GSE1: variants seen among roughly 807,000 people sequenced by gnomAD.
GSE1 encodes Gse1 coiled-coil protein, also known as genetic suppressor element 1.
A neutral mutation model predicts 112.6 loss-of-function variants in GSE1; 32 were observed. The ratio of observed to expected loss-of-function variants is 0.28; its 90% CI spans 0.21 to 0.38. GSE1 has a LOEUF of 0.38. GSE1 is among the 10% of genes least tolerant of loss of function. The probability of loss-of-function intolerance (pLI) is 1.00; values close to 1 mark genes in which losing one functional copy is unlikely to be tolerated. For missense variants in GSE1, 2,348 were observed against 1,699.2 expected (o/e 1.38, Z -6.71); for synonymous variants, 1,115 against 735.6 (o/e 1.52, Z -8.35).
At chr16:85,345,646 C>G (rs1422993502) in intron 1 of GSE1, among the ~76,000 whole-genome samples, 3 of 152,228 alleles carry the variant, frequency 2.0e-5, no homozygotes, top group South Asian at 4.1e-4. Context: ...TCTCTCCATC[C>G]TGTTCTTGTG....
chr16:85,491,188 G>A (rs1246387857), intron 2 of GSE1, among the ~76,000 whole-genome samples: 1 of 152,194 alleles, frequency 6.6e-6, no homozygotes, highest in Admixed American at 6.5e-5. Context: ...GCCGCTAGTA[G>A]GCACTGTTGT....
intron 1 of GSE1, among the ~76,000 whole-genome samples, chr16:85,259,493 C>G (rs758696647): frequency 7.2e-5 from 11 of 152,250 alleles, no homozygotes; most frequent in Non-Finnish European, 1.6e-4. Context: ...GGGGTGTGGG[C>G]TGGAGGCCCT....
chr16:85,486,506 G>C (rs553597804), intron 2 of GSE1, among the ~76,000 whole-genome samples: 1 of 152,226 alleles, frequency 6.6e-6, no homozygotes, highest in Non-Finnish European at 1.5e-5. Flanking sequence ...GGCTCCGTTC[G>C]GGGGTGGCAT....
chr16:85,572,069 CA>C (rs2046006683), intron 1 of GSE1, among the ~76,000 whole-genome samples: 2 of 150,992 alleles, frequency 1.3e-5, no homozygotes, highest in Admixed American at 1.3e-4. Flanking sequence ...ACCATACACA[CA>C]ACCACACCCC....
At chr16:85,537,756 G>A (rs1364594367) in intron 2 of GSE1, among the ~76,000 whole-genome samples, 1 of 151,992 alleles carries the variant, frequency 6.6e-6, no homozygotes, top group Non-Finnish European at 1.5e-5. Flanking sequence ...GATGAATGAA[G>A]GACAGAAAAG....
intron 3 of GSE1, among the ~76,000 whole-genome samples, chr16:85,649,342 G>C (rs1019313580): frequency 6.6e-5 from 10 of 152,194 alleles, no homozygotes; most frequent in African/African-American, 2.4e-4. Context: ...TGAGCACCCG[G>C]CACACTAGCT....
intron 1 of GSE1, among the ~76,000 whole-genome samples, chr16:85,590,847 G>A (rs900001299): frequency 6.6e-6 from 1 of 152,152 alleles, no homozygotes; most frequent in African/African-American, 2.4e-5. Flanking sequence ...CCTCTTTTCC[G>A]TCCTGTAAAA....
At chr16:85,591,498 C>T (rs1045500441) in intron 1 of GSE1, among the ~76,000 whole-genome samples, 6 of 152,366 alleles carry the variant, frequency 3.9e-5, no homozygotes, top group African/African-American at 1.2e-4. Context: ...AAACAGCCAA[C>T]CTTTTGCTCC....
At position 85,419,568 on chromosome 16, in the gene GSE1, T is replaced by C. The variant is rs2048780472; in HGVS notation, c.2464+61925T>C. On this transcript the variant is annotated intron_variant, in intron 2 of 2. Coordinates refer to the GSE1 transcript ENST00000637419. The surrounding 1 kb of genome is among the most constrained non-coding windows in gnomAD (Gnocchi z 6.5). Reference sequence around the variant, plus strand: ...CTGCAGTGAGCCATGACTGCATCACTGTACTCCAGCCTGGGCAATAGAGCA... The same window carrying C: ...CTGCAGTGAGCCATGACTGCATCACCGTACTCCAGCCTGGGCAATAGAGCA... Among the ~76,000 whole-genome samples, 1 of 150,914 alleles carries C rather than the reference T, an allele frequency of 6.6e-6. No homozygotes were observed. The highest frequency in any genetic ancestry group is 1.5e-5 in the Non-Finnish European group (1 of 67,878).
chr16:85,270,586 C>T (rs1295776406), intron 1 of GSE1, among the ~76,000 whole-genome samples: 3 of 148,954 alleles, frequency 2.0e-5, no homozygotes, highest in East Asian at 3.9e-4. Context: ...TAAATCAAAG[C>T]TCTCGGGCTG....
chr16:85,645,128 G>GT (rs1360211229), intron 2 of GSE1, among the ~76,000 whole-genome samples: 1 of 151,320 alleles, frequency 6.6e-6, no homozygotes, highest in African/African-American at 2.4e-5. Flanking sequence ...CCAGTCCCAG[G>GT]TGTTGGCCCG....
intron 1 of GSE1, among the ~76,000 whole-genome samples, chr16:85,597,326 A>C (rs1219236647): frequency 7.0e-6 from 1 of 142,458 alleles, no homozygotes; most frequent in Non-Finnish European, 1.5e-5. Context: ...GTGAGCTGAG[A>C]TCGTCCCACT....
rs140737247 is a variant in GSE1 at position 85,268,383 on chromosome 16, C to A, written c.2284-89080C>A. 2.8e-3 allele frequency among the ~76,000 whole-genome samples: 425 copies of A among 152,308 alleles called. 6 individuals carry two copies. The highest frequency in any genetic ancestry group is 9.3e-3 in the African/African-American group (387 of 41,564). ...TCCCCACTGAGTGACCGCGCCGAGC[C>A]CCCCAGTGATCCCCTCTGCATCGTG... On this transcript the variant is annotated intron_variant, in intron 1 of 2. Transcript: ENST00000637419.
intron 1 of GSE1, among the ~76,000 whole-genome samples, chr16:85,287,459 T>A (rs896497079): frequency 6.6e-6 from 1 of 152,280 alleles, no homozygotes; most frequent in Non-Finnish European, 1.5e-5. Context: ...CGCCTCTGGC[T>A]TCATCTCCTC....
Position 85,331,357 on chromosome 16 carries a change from GTGTGTGTGTATATATGTA to G in GSE1, c.2284-26104_2284-26087del, listed in dbSNP as rs1173558754. 3.3e-3 allele frequency among the ~76,000 whole-genome samples: 186 copies of G among 57,132 alleles called. 5 individuals carry two copies. Among genetic ancestry groups the G allele is most frequent in the African/African-American group, 9.0e-3 (171 of 19,020 alleles). The allele number at this position is 57,132 out of a possible 152,430, so 37.5% of individuals were successfully genotyped here. A position where few individuals can be genotyped will look rare whatever the true frequency, so the allele number is the denominator to read the frequency against. The stretch of plus-strand genomic sequence containing the variant: ...TGTGTGTGTGTGTGTGTGTGTGTGT[GTGTGTGTGTATATATGTA>G]TATATATGTATATATATGTGTATAT... On this transcript the variant is annotated intron_variant, in intron 1 of 2. Transcript: ENST00000637419.
chr16:85,216,734 A>G (rs888035177), intron 1 of GSE1, among the ~76,000 whole-genome samples: 7 of 152,168 alleles, frequency 4.6e-5, no homozygotes, highest in African/African-American at 1.4e-4. Context: ...ACCTGCTTAG[A>G]GGTGCTGTGT....
At chr16:85,627,650 T>C (rs1030097983) in intron 1 of GSE1, among the ~76,000 whole-genome samples, 6 of 152,042 alleles carry the variant, frequency 3.9e-5, no homozygotes, top group African/African-American at 1.2e-4. Context: ...AGAGAGCTTG[T>C]ACAGTGCGGA....
chr16:85,632,614 C>T (rs1011571827), intron 1 of GSE1, among the ~76,000 whole-genome samples: 2 of 152,226 alleles, frequency 1.3e-5, no homozygotes, highest in South Asian at 4.1e-4. Flanking sequence ...CACTTAGAAT[C>T]TGGCAGAGGT....
intron 2 of GSE1, among the ~76,000 whole-genome samples, chr16:85,545,461 A>T (rs1017425546): frequency 1.4e-4 from 21 of 151,994 alleles, no homozygotes; most frequent in African/African-American, 5.1e-4. Context: ...TTCTGGGTAA[A>T]GCGTCTTTGC....
Sources: gnomAD v4.1 joint callset for allele counts (sites outside exome capture counted in the v4.1 genomes callset) on GRCh38, gnomAD v4.1.1 for gene constraint, Gnocchi (gnomAD v3.1) non-coding constraint, MANE v1.5 for transcripts, NCBI Gene and HGNC (gene_info 2026-07-23, HGNC 2026-07-21) for gene names.